The following DTX1 variants were observed in gnomAD, a reference collection of about 807,000 sequenced individuals.
DTX1 encodes deltex E3 ubiquitin ligase 1, also known as E3 ubiquitin-protein ligase DTX1.
A neutral mutation model predicts 57.8 loss-of-function variants in DTX1; 26 were observed. The observed-to-expected ratio is 0.45, with a 90% confidence interval of 0.33 to 0.62. The LOEUF (loss-of-function observed/expected upper bound fraction) is 0.62, where lower values mean the gene tolerates loss of function less well. Among genes scored for constraint, DTX1 ranks in the 20% least tolerant of loss-of-function variants. DTX1 has a pLI of 0.02. For missense variants in DTX1, 704 were observed against 895.3 expected (o/e 0.79, Z 2.73); for synonymous variants, 398 against 394.1 (o/e 1.01, Z -0.12).
chr12:113,096,469 GA>G (rs1444136894), intron 9 of DTX1, among the ~76,000 whole-genome samples: 9 of 138,740 alleles, frequency 6.5e-5, no homozygotes, highest in Non-Finnish European at 1.3e-4. Flanking sequence ...AAAAGAAAAA[GA>G]AAAAAAAGAA....
At chr12:113,059,492 C>T (rs143713335) in intron 2 of DTX1, among the ~76,000 whole-genome samples, 15 of 152,160 alleles carry the variant, frequency 9.9e-5, no homozygotes, top group African/African-American at 3.4e-4. Context: ...GAGATAAAAT[C>T]GATGAGGTCC....
In DTX1 at chr12:113,077,990, C is replaced by T; in HGVS notation, c.826C>T (p.Pro276Ser). 1 of 1,067,070 alleles carries T rather than the reference C, an allele frequency of 9.4e-7. No individual in the cohort carries two copies. Among genetic ancestry groups the T allele is most frequent in the Non-Finnish European group, 1.1e-6 (1 of 883,690 alleles). The allele number at this position is 1,067,070 out of a possible 1,614,324, so 66.1% of individuals were successfully genotyped here. Reference sequence around the variant, plus strand: ...CGAGCCCGCGCCGCCTCCCGGGGCGCCCCCACGGAGCCCGGGCGCCCCCGG... The same window carrying T: ...CGAGCCCGCGCCGCCTCCCGGGGCGTCCCCACGGAGCCCGGGCGCCCCCGG... ...PAEPAPPPGAPPRSPGAPGGA... is the reference protein window; with the variant it reads ...PAEPAPPPGASPRSPGAPGGA... Residue 276 changes from proline (P) to serine (S), a missense_variant, in exon 3 of 10, where the codon CCC (proline) becomes TCC (serine). Pro to Ser is a moderately conservative substitution (Grantham distance 74). Around this residue, in one of 3 missense-constraint regions of DTX1, gnomAD observed 299 missense variants for 311.2 expected, o/e 0.96. Coordinates refer to ENST00000548759, the MANE Select transcript of DTX1 (RefSeq NM_004416.3). This position sits in a 1 kb window ranked among gnomAD's most constrained non-coding sequence, Gnocchi z 7.8.
At chr12:113,085,823 G>A (rs1010129128) in intron 3 of DTX1, among the ~76,000 whole-genome samples, 8 of 152,154 alleles carry the variant, frequency 5.3e-5, no homozygotes, top group African/African-American at 9.7e-5. Context: ...AGACAAACAC[G>A]AAACAGAATA....
At chr12:113,086,507 G>C (rs562555340) in intron 3 of DTX1, among the ~76,000 whole-genome samples, 1 of 152,292 alleles carries the variant, frequency 6.6e-6, no homozygotes, top group African/African-American at 2.4e-5. Flanking sequence ...AACCAGCAGG[G>C]CTGTGTGTTG....
At chr12:113,076,464 A>T (rs1198890914) in intron 2 of DTX1, among the ~76,000 whole-genome samples, 1 of 150,834 alleles carries the variant, frequency 6.6e-6, no homozygotes, top group East Asian at 2.0e-4. Flanking sequence ...CCTGGAAAAA[A>T]AAAAAAAAAA....
chr12:113,057,972 C>T lies in DTX1; in HGVS notation c.-221C>T. 1.5e-6 allele frequency: 1 copy of T among 670,908 alleles called. No homozygotes were observed. The highest frequency in any genetic ancestry group is 2.4e-6 in the Non-Finnish European group (1 of 410,428). 41.6% of individuals were successfully genotyped at this position (670,908 alleles called of 1,614,324 possible). ...TGCTTTCCAGGGCAGCACCCTTTAT[C>T]GGAGAAGGCTCTACAGGGAAGGGGT... On this transcript the variant is annotated 5_prime_UTR_variant, in exon 2 of 10. Coordinates refer to ENST00000548759, the MANE Select transcript of DTX1 (RefSeq NM_004416.3).
intron 3 of DTX1, among the ~76,000 whole-genome samples, chr12:113,087,504 G>T (rs2044870795): frequency 6.6e-6 from 1 of 152,082 alleles, no homozygotes; most frequent in South Asian, 2.1e-4. Flanking sequence ...GGGGGGAGGA[G>T]GGGGAGAAGG....
chr12:113,069,527 A>T (rs190106972), intron 2 of DTX1, among the ~76,000 whole-genome samples: 1 of 152,148 alleles, frequency 6.6e-6, no homozygotes, highest in Non-Finnish European at 1.5e-5. Flanking sequence ...GGAAACCACT[A>T]ATGGGCCACA....
At chr12:113,078,771 C>T (rs2044794640) in intron 3 of DTX1, among the ~76,000 whole-genome samples, 1 of 152,050 alleles carries the variant, frequency 6.6e-6, no homozygotes, top group Non-Finnish European at 1.5e-5. Context: ...CATGGTGGCT[C>T]GAGCAAGCAT....
At chr12:113,069,941 GC>G (rs781143343) in intron 2 of DTX1, among the ~76,000 whole-genome samples, 4 of 152,166 alleles carry the variant, frequency 2.6e-5, no homozygotes, top group Non-Finnish European at 5.9e-5. Context: ...TGGAACCTCA[GC>G]CATGTCACTT....
chr12:113,096,068 G>C (rs1285523014), intron 9 of DTX1, among the ~76,000 whole-genome samples: 1 of 152,050 alleles, frequency 6.6e-6, no homozygotes. Flanking sequence ...TATCCGGAGT[G>C]GTGGAGTGCG....
chr12:113,068,105 C>T (rs890352443), intron 2 of DTX1, among the ~76,000 whole-genome samples: 2 of 152,222 alleles, frequency 1.3e-5, no homozygotes, highest in Non-Finnish European at 2.9e-5. Flanking sequence ...TGAACCAGAA[C>T]AAAACCATAT....
At chr12:113,088,157 C>T (rs1183580126) in intron 3 of DTX1, among the ~76,000 whole-genome samples, 1 of 152,236 alleles carries the variant, frequency 6.6e-6, no homozygotes, top group Non-Finnish European at 1.5e-5. Flanking sequence ...CACCACCAAC[C>T]AGCTGGGTGA....
Position 113,058,060 on chromosome 12 carries a change from C to T in DTX1, c.-133C>T, listed in dbSNP as rs760043485. The T allele has an allele frequency of 3.0e-4, 424 of 1,397,706 alleles. No individual in the cohort carries two copies. Among genetic ancestry groups the T allele is most frequent in the Non-Finnish European group, 3.9e-4 (416 of 1,064,578 alleles). The allele number at this position is 1,397,706 out of a possible 1,614,324, so 86.6% of individuals were successfully genotyped here. The stretch of plus-strand genomic sequence containing the variant: ...GGAGGTCTCTAGGCCTCAGAGAGAA[C>T]CCAGAGTTAGAAAGGAGGCCAGACG... On this transcript the variant is annotated 5_prime_UTR_variant, in exon 2 of 10. Transcript: ENST00000548759.
At chr12:113,082,593 G>T (rs574463003) in intron 3 of DTX1, among the ~76,000 whole-genome samples, 1 of 152,194 alleles carries the variant, frequency 6.6e-6, no homozygotes, top group South Asian at 2.1e-4. Context: ...TTGTTTCTGT[G>T]TCTTTGTTTT....
intron 3 of DTX1, among the ~76,000 whole-genome samples, chr12:113,085,214 A>T (rs61942309): frequency 0.078 from 11,846 of 152,110 alleles, 683 homozygotes; most frequent in Non-Finnish European, 0.11. Flanking sequence ...CAACCCGGCT[A>T]ATTTTTTATA....
chr12:113,066,250 C>T (rs970845470), intron 2 of DTX1, among the ~76,000 whole-genome samples: 11 of 143,948 alleles, frequency 7.6e-5, no homozygotes, highest in Non-Finnish European at 3.0e-5. Context: ...GTGTGTAGGC[C>T]GGGTGTGGTG....
intron 3 of DTX1, among the ~76,000 whole-genome samples, chr12:113,083,862 T>C (rs1204812253): frequency 6.6e-6 from 1 of 152,204 alleles, no homozygotes; most frequent in Non-Finnish European, 1.5e-5. Flanking sequence ...CCTTTACAGG[T>C]TGGGTGACCT....
intron 3 of DTX1, among the ~76,000 whole-genome samples, chr12:113,083,916 T>C (rs1241527868): frequency 6.6e-6 from 1 of 152,216 alleles, no homozygotes; most frequent in Non-Finnish European, 1.5e-5. Flanking sequence ...AGTCTCCCCA[T>C]CTGTCAGACA....
Sources: gnomAD v4.1 joint callset for allele counts (sites outside exome capture counted in the v4.1 genomes callset) on GRCh38, gnomAD v4.1.1 for gene constraint, gnomAD v4.1.1 regional missense constraint, Gnocchi (gnomAD v3.1) non-coding constraint, MANE v1.5 for transcripts, NCBI Gene and HGNC (gene_info 2026-07-23, HGNC 2026-07-21) for gene names.